The following SPATA17 variants were observed in gnomAD, a reference collection of about 807,000 sequenced individuals.
SPATA17 encodes spermatogenesis-associated protein 17.
SPATA17 carries 53 observed loss-of-function variants against 62.2 expected under a neutral mutation model. The ratio of observed to expected loss-of-function variants is 0.85; its 90% confidence interval spans 0.68 to 1.07. The LOEUF (loss-of-function observed/expected upper bound fraction) is 1.07. Among genes scored for constraint, SPATA17 ranks in the 50% least tolerant of loss-of-function variants. SPATA17 has a pLI of 0.00. For missense variants in SPATA17, 466 were observed against 425.5 expected, an observed-to-expected ratio of 1.10 and a Z score of -0.84; for synonymous variants, 146 against 146.8, an observed-to-expected ratio of 0.99 and a Z score of 0.04.
intron 4 of SPATA17, among the ~76,000 whole-genome samples, chr1:217,678,643 T>C (rs1363740658): frequency 6.6e-6 from 1 of 152,326 alleles, no homozygotes; most frequent in Admixed American, 6.5e-5. Flanking sequence ...TTTTAATATA[T>C]CAAGGTTTTG....
chr1:217,657,072 A>G (rs548620959), intron 3 of SPATA17, among the ~76,000 whole-genome samples: 1 of 152,026 alleles, frequency 6.6e-6, no homozygotes, highest in African/African-American at 2.4e-5. Context: ...GTCTAAGATG[A>G]TGTGTTTGAA....
intron 6 of SPATA17, among the ~76,000 whole-genome samples, chr1:217,768,351 C>T (rs759503013): frequency 7.2e-5 from 11 of 152,278 alleles, no homozygotes; most frequent in East Asian, 1.9e-4. Context: ...ACAAGCTCAT[C>T]GCTAACAATA....
At chr1:217,695,962 C>T (rs56371740) in intron 5 of SPATA17, among the ~76,000 whole-genome samples, 37,054 of 146,974 alleles carry the variant, frequency 0.25, 5,485 homozygotes, top group Non-Finnish European at 0.35. Flanking sequence ...CTGTGCCCTG[C>T]CCCCAGAGGT....
At position 217,635,441 on chromosome 1, in the gene SPATA17, C is replaced by T. The variant is rs549885915; in HGVS notation, c.68+3995C>T. ...TTTTCTGGCCAGGCATGGTGGCTCA[C>T]GCCTATAATCCCAGCACTTTGGGAG... On this transcript the variant is annotated intron_variant, in intron 1 of 10. Transcript: ENST00000366933. Among the ~76,000 whole-genome samples the T allele has an allele frequency of 1.1e-4, 16 of 152,308 alleles. No individual in the cohort carries two copies. The South Asian group carries it at 2.5e-3, about 24-fold the overall frequency.
intron 6 of SPATA17, among the ~76,000 whole-genome samples, chr1:217,757,452 T>C (rs1673075045): frequency 6.6e-6 from 1 of 152,106 alleles, no homozygotes; most frequent in Admixed American, 6.6e-5. Flanking sequence ...GATATTTGCT[T>C]CCCATAAATA....
intron 5 of SPATA17, among the ~76,000 whole-genome samples, chr1:217,708,719 T>G (rs1671792658): frequency 1.3e-5 from 2 of 151,374 alleles, no homozygotes; most frequent in Non-Finnish European, 2.9e-5. Context: ...CTGGCAGAGA[T>G]GCAACAACAA....
chr1:217,733,416 T>C (rs1672440769), intron 5 of SPATA17, among the ~76,000 whole-genome samples: 1 of 152,192 alleles, frequency 6.6e-6, no homozygotes, highest in South Asian at 2.1e-4. Flanking sequence ...GAAAACTTGC[T>C]CGTTGTTCAG....
At chr1:217,683,678 G>A (rs1449669197) in intron 5 of SPATA17, among the ~76,000 whole-genome samples, 5 of 152,098 alleles carry the variant, frequency 3.3e-5, no homozygotes, top group Admixed American at 3.3e-4. Flanking sequence ...CTGACCTTGT[G>A]ATCTGCCCGC....
At position 217,728,743 on chromosome 1, in the gene SPATA17, G is replaced by A. The variant is rs1386055863; in HGVS notation, c.396-13232G>A. Among the ~76,000 whole-genome samples, 4 of 151,788 alleles carry A rather than the reference G, an allele frequency of 2.6e-5. No individual in the cohort carries two copies. The East Asian group carries it at 7.7e-4, about 29-fold the overall frequency. On this transcript the variant is annotated intron_variant, in intron 5 of 10. Transcript: ENST00000366933. ...AACTGTCAGGTAGCTTCCCTAAGTG[G>A]GCTGTCATGTTATTTCATTTATTTT... is the stretch of plus-strand genomic sequence containing the variant.
chr1:217,841,011 A>T (rs1190494138), intron 9 of SPATA17, among the ~76,000 whole-genome samples: 1 of 151,306 alleles, frequency 6.6e-6, no homozygotes, highest in East Asian at 1.9e-4. Flanking sequence ...TTCAGAAAAT[A>T]AAAAAATGTT....
chr1:217,865,495 G>A (rs1232876452), intron 10 of SPATA17, among the ~76,000 whole-genome samples: 5 of 152,094 alleles, frequency 3.3e-5, no homozygotes, highest in African/African-American at 1.2e-4. Context: ...AAAATCTACT[G>A]TCTGACTAGG....
chr1:217,719,604 CA>C (rs1479139048), intron 5 of SPATA17, among the ~76,000 whole-genome samples: 1 of 152,108 alleles, frequency 6.6e-6, no homozygotes, highest in Non-Finnish European at 1.5e-5. Context: ...AGTCAGGAGA[CA>C]AAATCCACAC....
intron 7 of SPATA17, among the ~76,000 whole-genome samples, chr1:217,775,978 C>T (rs184827300): frequency 5.7e-4 from 87 of 152,028 alleles, no homozygotes; most frequent in Non-Finnish European, 5.4e-4. Flanking sequence ...CCTGTTGTTG[C>T]TGGGAATACA....
intron 5 of SPATA17, among the ~76,000 whole-genome samples, chr1:217,697,906 A>C (rs1156307671): frequency 6.6e-6 from 1 of 152,044 alleles, no homozygotes; most frequent in Non-Finnish European, 1.5e-5. Context: ...CCTTTATTCA[A>C]CCTTTTGTGA....
chr1:217,773,656 A>T (rs1673510160), intron 6 of SPATA17, among the ~76,000 whole-genome samples: 1 of 152,208 alleles, frequency 6.6e-6, no homozygotes, highest in Non-Finnish European at 1.5e-5. Context: ...TGACAAAGTC[A>T]TTGATAGAAC....
chr1:217,864,695 T>A (rs1271627669), intron 10 of SPATA17, among the ~76,000 whole-genome samples: 1 of 152,148 alleles, frequency 6.6e-6, no homozygotes, highest in African/African-American at 2.4e-5. Flanking sequence ...TTTGATGTTT[T>A]AATGCAACCA....
intron 5 of SPATA17, among the ~76,000 whole-genome samples, chr1:217,713,954 T>C (rs1272258876): frequency 1.3e-5 from 2 of 152,212 alleles, no homozygotes; most frequent in African/African-American, 4.8e-5. Context: ...AACATTGTTA[T>C]TTCTGATGAA....
At position 217,648,889 on chromosome 1, in the gene SPATA17, G is replaced by T. The variant is rs913814175; in HGVS notation, c.76G>T (p.Asp26Tyr). Residue 26 changes from aspartate (D) to tyrosine (Y), a missense_variant, in exon 2 of 11, where the codon GAT (aspartate) becomes TAT (tyrosine). Asp to Tyr is a radical substitution (Grantham distance 160). Coordinates refer to ENST00000366933, the MANE Select transcript of SPATA17 (RefSeq NM_138796.4). ...TTAAACATTTTGTTTTAGTGTTGTA[G>T]ATCCATTTAGAAAAAAGGAGAATGA... The part of the protein sequence containing the change: ...NQYYFRNSVV[D>Y]PFRKKENDAA... 6.2e-7 allele frequency: 1 copy of T among 1,604,652 alleles called. No homozygotes were observed. Among genetic ancestry groups the T allele is most frequent in the Non-Finnish European group, 8.5e-7 (1 of 1,176,078 alleles).
At chr1:217,800,575 A>G (rs964754034) in intron 8 of SPATA17, among the ~76,000 whole-genome samples, 2 of 152,136 alleles carry the variant, frequency 1.3e-5, no homozygotes, top group Non-Finnish European at 2.9e-5. Context: ...TACTCCTTAC[A>G]TAGACTTTCA....
Sources: gnomAD v4.1 joint callset for allele counts (sites outside exome capture counted in the v4.1 genomes callset) on GRCh38, gnomAD v4.1.1 for gene constraint, MANE v1.5 for transcripts, NCBI Gene and HGNC (gene_info 2026-07-23, HGNC 2026-07-21) for gene names.